The following FRMD4A variants were observed in gnomAD, a reference collection of about 807,000 sequenced individuals.
The protein encoded by FRMD4A is FERM domain containing 4A, also known as FERM domain-containing protein 4A.
A neutral mutation model predicts 129.1 loss-of-function variants in FRMD4A; 29 were observed. The ratio of observed to expected loss-of-function variants is 0.22; its 90% CI spans 0.17 to 0.31. FRMD4A has a LOEUF of 0.31. Ranked by LOEUF, FRMD4A falls within the 10% of genes least tolerant of loss-of-function variation. The pLI is 1.00. For synonymous variants in FRMD4A, 634 were observed against 571.6 expected, an observed-to-expected ratio of 1.11 and a Z score of -1.56; for missense variants, 1,272 against 1,375.8, an observed-to-expected ratio of 0.92 and a Z score of 1.19.
intron 2 of FRMD4A, among the ~76,000 whole-genome samples, chr10:14,288,776 C>A (rs1261772451): frequency 6.6e-6 from 1 of 152,044 alleles, no homozygotes; most frequent in Non-Finnish European, 1.5e-5. Context: ...CAGCAACGCC[C>A]CATTTCTCCC....
At chr10:13,886,213 C>T (rs1398729568) in intron 2 of FRMD4A, among the ~76,000 whole-genome samples, 2 of 119,160 alleles carry the variant, frequency 1.7e-5, no homozygotes, top group Non-Finnish European at 3.4e-5. Context: ...TCTAATTCCC[C>T]ATTACCTGCC....
intron 2 of FRMD4A, among the ~76,000 whole-genome samples, chr10:14,094,882 T>G (rs969790702): frequency 1.3e-5 from 2 of 152,188 alleles, no homozygotes; most frequent in African/African-American, 4.8e-5. Context: ...CATATGTGCA[T>G]GTATGTATAT....
At chr10:13,932,889 G>A (rs1184672700) in intron 2 of FRMD4A, among the ~76,000 whole-genome samples, 1 of 152,072 alleles carries the variant, frequency 6.6e-6, no homozygotes, top group Non-Finnish European at 1.5e-5. Context: ...GGCTGGGTGC[G>A]GTAGCTCAAG....
chr10:14,043,026 A>G (rs1033520172), intron 2 of FRMD4A, among the ~76,000 whole-genome samples: 2 of 151,882 alleles, frequency 1.3e-5, no homozygotes, highest in Non-Finnish European at 2.9e-5. Context: ...TACAATCCTC[A>G]TGACAAAAAT....
chr10:13,735,841 ACAGT>A (rs1160914401), intron 12 of FRMD4A, among the ~76,000 whole-genome samples: 3 of 152,172 alleles, frequency 2.0e-5, no homozygotes, highest in East Asian at 3.8e-4. Flanking sequence ...AAGTGCAAAA[ACAGT>A]CAGGCAGGTT....
intron 8 of FRMD4A, among the ~76,000 whole-genome samples, chr10:13,761,072 G>A (rs966797278): frequency 4.7e-4 from 72 of 152,274 alleles, no homozygotes; most frequent in African/African-American, 1.6e-3. Flanking sequence ...TAAATGACAA[G>A]TTTGCAGTTT....
At chr10:13,882,023 G>A (rs1023910100) in intron 2 of FRMD4A, among the ~76,000 whole-genome samples, 14 of 19,196 alleles carry the variant, frequency 7.3e-4, no homozygotes, top group Admixed American at 5.3e-3. Flanking sequence ...GTGTGTGTGT[G>A]TGTGTGTGTG....
intron 2 of FRMD4A, among the ~76,000 whole-genome samples, chr10:13,893,730 G>A (rs1165244872): frequency 6.6e-6 from 1 of 152,276 alleles, no homozygotes; most frequent in East Asian, 1.9e-4. Context: ...GGCCAGGCTG[G>A]TCTTGAACTC....
intron 2 of FRMD4A, among the ~76,000 whole-genome samples, chr10:14,133,230 G>A (rs1223004485): frequency 5.3e-5 from 8 of 152,130 alleles, no homozygotes; most frequent in Non-Finnish European, 1.0e-4. Flanking sequence ...GGGTCGTGAG[G>A]CCTTCAAGAA....
intron 6 of FRMD4A, among the ~76,000 whole-genome samples, chr10:13,769,453 T>C (rs2092390139): frequency 6.6e-6 from 1 of 151,970 alleles, no homozygotes; most frequent in Admixed American, 6.6e-5. Flanking sequence ...GGATTACAGG[T>C]GCCCATCACC....
chr10:13,814,580 C>CAAAAA lies in FRMD4A; in HGVS notation c.112-3677_112-3673dup, dbSNP rs553044764. On this transcript the variant is annotated intron_variant, in intron 3 of 24. Transcript: ENST00000357447. ...TGGGCGATAGAGTGAGACCCTGTTT[C>CAAAAA]AAAAAAAAAAAAAAAAAAAAAAAAA... 7.3e-3 allele frequency among the ~76,000 whole-genome samples: 304 copies of CAAAAA among 41,400 alleles called. 1 individual carries two copies. The highest frequency in any genetic ancestry group is 0.011 in the African/African-American group (119 of 11,322). The allele number at this position is 41,400 out of a possible 152,430, so 27.2% of individuals were successfully genotyped here. A position where few individuals can be genotyped will look rare whatever the true frequency, so the allele number is the denominator to read the frequency against.
intron 2 of FRMD4A, among the ~76,000 whole-genome samples, chr10:13,884,184 A>ACGCTCACACACACGCTCACACACACTCT (rs780160804): frequency 5.0e-5 from 4 of 79,550 alleles, no homozygotes; most frequent in African/African-American, 1.7e-4. Context: ...ACTCACACAC[A>ACGCTCACACACACGCTCACACACACTCT]CACACACACA....
intron 2 of FRMD4A, among the ~76,000 whole-genome samples, chr10:14,134,667 G>C (rs1233639491): frequency 6.6e-6 from 1 of 150,810 alleles, no homozygotes; most frequent in Admixed American, 6.6e-5. Context: ...TGATAGATGG[G>C]GGTACAAATG....
intron 2 of FRMD4A, among the ~76,000 whole-genome samples, chr10:14,305,419 T>C (rs920719281): frequency 2.6e-5 from 4 of 152,202 alleles, no homozygotes; most frequent in African/African-American, 9.7e-5. Context: ...TCTCTCCCAT[T>C]AAATATATTT....
chr10:14,194,322 C>T (rs760335500), intron 2 of FRMD4A, among the ~76,000 whole-genome samples: 42 of 152,176 alleles, frequency 2.8e-4, no homozygotes, highest in Admixed American at 2.6e-3. Context: ...TTAAAAAACA[C>T]GGAGGAGGCC....
At chr10:14,020,436 T>A (rs559375625) in intron 2 of FRMD4A, among the ~76,000 whole-genome samples, 5 of 152,170 alleles carry the variant, frequency 3.3e-5, no homozygotes, top group African/African-American at 4.8e-5. Flanking sequence ...TGCCATCAGC[T>A]ATAGAGGAAA....
chr10:14,114,058 C>T lies in FRMD4A; in HGVS notation c.45+216000G>A, dbSNP rs539187382. On this transcript the variant is annotated intron_variant, in intron 2 of 24. Transcript: ENST00000357447. ...GGGTGCCTTCAAAGGCTCAAGCACA[C>T]GTACTTGTGGGTATGGCTGCTTTTG... 3.0e-4 allele frequency among the ~76,000 whole-genome samples: 45 copies of T among 152,326 alleles called. No homozygotes were observed. The South Asian group carries it at 8.5e-3, about 29-fold the overall frequency.
intron 12 of FRMD4A, among the ~76,000 whole-genome samples, chr10:13,722,258 G>A (rs901100619): frequency 6.8e-6 from 1 of 146,344 alleles, no homozygotes; most frequent in African/African-American, 2.5e-5. Flanking sequence ...CTGACTCAGG[G>A]TCTTGTTCTG....
chr10:13,713,574 GT>G (rs1270985708), intron 12 of FRMD4A, among the ~76,000 whole-genome samples: 1 of 151,728 alleles, frequency 6.6e-6, no homozygotes, highest in East Asian at 1.9e-4. Flanking sequence ...ATACAAATGA[GT>G]TGTTTCACAT....
Sources: allele counts gnomAD v4.1 joint callset (sites outside exome capture counted in the v4.1 genomes callset), GRCh38; gene constraint gnomAD v4.1.1; transcripts MANE v1.5; gene names NCBI Gene and HGNC (gene_info 2026-07-23, HGNC 2026-07-21).